STS: variants seen among roughly 807,000 people sequenced by gnomAD.
STS encodes the protein steryl-sulfatase.
Under a neutral mutation model 26.8 loss-of-function variants are expected in STS, and 7 were observed. The observed-to-expected ratio is 0.26, with a 90% CI of 0.15 to 0.49. The LOEUF (loss-of-function observed/expected upper bound fraction) is 0.49, where lower values mean the gene tolerates loss of function less well. STS is among the 20% of genes least tolerant of loss of function. The probability of loss-of-function intolerance (pLI) is 0.98; values close to 1 mark genes in which losing one functional copy is unlikely to be tolerated. For missense variants in STS, 434 were observed against 465.6 expected (o/e 0.93, Z 0.63); for synonymous variants, 199 against 189.4 (o/e 1.05, Z -0.42).
chrX:7,324,754 T>C (rs1569226633), intron 8 of STS, among the ~76,000 whole-genome samples: 1 of 111,630 alleles, frequency 9.0e-6, no homozygotes, highest in Non-Finnish European at 1.9e-5. Context: ...TAGAATGCCC[T>C]TTGCTGAGAG....
intron 1 of STS, among the ~76,000 whole-genome samples, chrX:7,158,326 A>G (rs1229742446): frequency 2.7e-5 from 3 of 111,346 alleles, no homozygotes; most frequent in Non-Finnish European, 3.8e-5. Context: ...GATAACCTTA[A>G]TGATTTGGAC....
intron 1 of STS, among the ~76,000 whole-genome samples, chrX:7,185,550 T>C (rs1425667567): frequency 8.9e-6 from 1 of 112,398 alleles, no homozygotes; most frequent in Non-Finnish European, 1.9e-5. Context: ...CTTATCAGTA[T>C]ATGGCAAACA....
chrX:7,209,858 G>A (rs1486539505), intron 2 of STS, among the ~76,000 whole-genome samples: 4 of 110,415 alleles, frequency 3.6e-5, no homozygotes, highest in Non-Finnish European at 5.7e-5. Context: ...TCCCACTTAT[G>A]AGTGAGAACA....
chrX:7,349,884 A>T lies in STS; in HGVS notation c.1364-4A>T. The T allele has an allele frequency of 8.3e-7, 1 of 1,211,901 alleles. No homozygotes were observed. The highest frequency in any genetic ancestry group is 3.0e-5 in the East Asian group (1 of 33,838). On this transcript the variant is annotated splice_polypyrimidine_tract_variant and splice_region_variant and intron_variant, in intron 10 of 10. Transcript: ENST00000674429. ...AATGCCGTTTCCATCCTTTTAAACCACAGGCACATCCATCTGGAAGGCCTT... is the reference window on the plus strand; with the variant it reads ...AATGCCGTTTCCATCCTTTTAAACCTCAGGCACATCCATCTGGAAGGCCTT...
intron 2 of STS, among the ~76,000 whole-genome samples, chrX:7,220,283 G>A (rs1225566984): frequency 8.1e-5 from 9 of 111,006 alleles, no homozygotes; most frequent in South Asian, 7.6e-4. Flanking sequence ...CAATATCCCC[G>A]ACAGATGCGG....
intron 2 of STS, among the ~76,000 whole-genome samples, chrX:7,215,023 T>TATATGTA (rs1491187263): frequency 1.5e-5 from 1 of 65,128 alleles, no homozygotes; most frequent in Non-Finnish European, 3.0e-5. Flanking sequence ...TATATATATA[T>TATATGTA]TATATATGTA....
rs765429159 is a variant in STS at position 7,260,743 on chromosome X, A to G, written c.806+971A>G. Among the ~76,000 whole-genome samples, 5 of 112,093 alleles carry G rather than the reference A, an allele frequency of 4.5e-5. No individual in the cohort carries two copies. The South Asian group carries it at 1.9e-3, about 42-fold the overall frequency. ...CTTTAATTTTCAAATGTGGCCATCA[A>G]GAGAGGCAAGATAATGGCTTATGTT... On this transcript the variant is annotated intron_variant, in intron 6 of 10. Coordinates refer to ENST00000674429, the MANE Select transcript of STS (RefSeq NM_001320752.2).
chrX:7,276,193 C>A, intron 7 of STS, 106 bp downstream of exon 7: 1 of 1,032,876 alleles, frequency 9.7e-7, no homozygotes, highest in Non-Finnish European at 1.3e-6. Flanking sequence ...TTAGAGACAG[C>A]AAATGTATGG....
intron 7 of STS, among the ~76,000 whole-genome samples, chrX:7,294,856 G>C (rs1337949765): frequency 2.7e-5 from 3 of 111,643 alleles, no homozygotes; most frequent in Admixed American, 9.6e-5. Context: ...TTGTGTATAA[G>C]ACAAGTCTGT....
chrX:7,184,832 G>A (rs1429747362), intron 1 of STS, among the ~76,000 whole-genome samples: 2 of 112,180 alleles, frequency 1.8e-5, no homozygotes, highest in African/African-American at 6.5e-5. Flanking sequence ...ATAATATAGT[G>A]CATTTTTATA....
At chrX:7,337,743 G>A (rs1355279349) in intron 10 of STS, among the ~76,000 whole-genome samples, 2 of 111,903 alleles carry the variant, frequency 1.8e-5, no homozygotes, top group Non-Finnish European at 1.9e-5. Flanking sequence ...TTTACACCAC[G>A]GCAATTGGCA....
intron 1 of STS, among the ~76,000 whole-genome samples, chrX:7,152,353 G>A (rs1305799637): frequency 8.1e-5 from 9 of 111,553 alleles, no homozygotes; most frequent in African/African-American, 2.9e-4. Flanking sequence ...ATCTCACTGT[G>A]TTGCCCAGGG....
At chrX:7,196,381 C>G (rs1933971956) in intron 2 of STS, among the ~76,000 whole-genome samples, 2 of 112,141 alleles carry the variant, frequency 1.8e-5, no homozygotes, top group South Asian at 7.5e-4. Context: ...ATGTAAATCT[C>G]TCTTAGAAAA....
chrX:7,343,039 G>C (rs1280391930), intron 10 of STS, among the ~76,000 whole-genome samples: 9 of 110,840 alleles, frequency 8.1e-5, no homozygotes, highest in African/African-American at 3.0e-4. Flanking sequence ...TTGTGTGGGG[G>C]TTCCTCACAA....
chrX:7,314,599 T>G (rs1310278086), intron 8 of STS, among the ~76,000 whole-genome samples: 1 of 113,148 alleles, frequency 8.8e-6, no homozygotes, highest in Non-Finnish European at 1.9e-5. Context: ...CAGAGTGATT[T>G]GATTGCATTG....
chrX:7,281,617 G>A (rs1924865648), intron 7 of STS, among the ~76,000 whole-genome samples: 1 of 112,048 alleles, frequency 8.9e-6, no homozygotes, highest in Admixed American at 9.4e-5. Context: ...TTGAGGGATG[G>A]AGAATAAATT....
intron 6 of STS, among the ~76,000 whole-genome samples, chrX:7,271,424 G>T (rs767086861): frequency 4.3e-4 from 48 of 110,581 alleles, no homozygotes; most frequent in Non-Finnish European, 6.0e-4. Flanking sequence ...TAGGATGGAG[G>T]CTTCACAGTC....
chrX:7,227,659 C>T (rs1921875413), intron 2 of STS, among the ~76,000 whole-genome samples: 1 of 111,042 alleles, frequency 9.0e-6, no homozygotes. Flanking sequence ...TGAACGGTGA[C>T]CTTAGTATTT....
rs868228423 is a variant in STS, at chrX:7,259,770, G to A, written c.804G>A (p.Gln268=). 4.1e-6 allele frequency: 5 copies of A among 1,208,173 alleles called. No homozygotes were observed. The Middle Eastern group carries it at 9.2e-4, about 222-fold the overall frequency. ...CGGTGGAGGCGGCCCAGTTCATACA[G>A]CGGTGGGTATTGCCTTGTCCTCTGA... ...RLTVEAAQFI[Q]RNTETPFLLV... is the part of the protein sequence containing the mutation. The change falls in exon 6 of 11, where the codon CAG becomes CAA. Residue 268 remains glutamine (Q), a splice_region_variant and synonymous_variant. Coordinates refer to ENST00000674429, the MANE Select transcript of STS (RefSeq NM_001320752.2).
Sources: allele counts gnomAD v4.1 joint callset (sites outside exome capture counted in the v4.1 genomes callset), GRCh38; gene constraint gnomAD v4.1.1; transcripts MANE v1.5; gene names NCBI Gene and HGNC (gene_info 2026-07-23, HGNC 2026-07-21).